The following GALNT13 variants were observed in gnomAD, a reference collection of about 807,000 sequenced individuals.
The protein encoded by GALNT13 is UDP-GalNAc:polypeptide N-acetylgalactosaminyltransferase 13.
A neutral mutation model predicts 64.2 loss-of-function variants in GALNT13; 28 were observed. The ratio of observed to expected loss-of-function variants is 0.44; its 90% CI spans 0.32 to 0.60. The LOEUF (loss-of-function observed/expected upper bound fraction) is 0.60. Among genes scored for constraint, GALNT13 ranks in the 20% least tolerant of loss-of-function variants. The pLI, the probability that GALNT13 is intolerant of heterozygous loss-of-function variation, is 0.05. For synonymous variants in GALNT13, 214 were observed against 224.6 expected, an observed-to-expected ratio of 0.95 and a Z score of 0.42; for missense variants, 577 against 669.8, an observed-to-expected ratio of 0.86 and a Z score of 1.53.
At chr2:153,874,149 C>T (rs1323291377) in intron 1 of GALNT13, among the ~76,000 whole-genome samples, 1 of 140,514 alleles carries the variant, frequency 7.1e-6, no homozygotes, top group Admixed American at 7.4e-5. Context: ...AGAATAAGAA[C>T]CTTCATATTG....
At position 154,301,654 on chromosome 2, in the gene GALNT13, T is replaced by G. The variant is rs1223333300; in HGVS notation, c.1156+65T>G. 17 of 1,013,866 alleles carry G rather than the reference T, an allele frequency of 1.7e-5. No individual in the cohort carries two copies. The East Asian group carries it at 3.8e-4, about 23-fold the overall frequency. The allele number at this position is 1,013,866 out of a possible 1,614,324, so 62.8% of individuals were successfully genotyped here. A position where few individuals can be genotyped will look rare whatever the true frequency, so the allele number is the denominator to read the frequency against. On this transcript the variant is annotated intron_variant, in intron 9 of 12. Transcript: ENST00000392825. ...ATAAAATTGAAACATACTGAATATG[T>G]GTTTCATTATTGCTGTTATTCTTCT...
chr2:154,446,956 C>T (rs1701612702), intron 12 of GALNT13, among the ~76,000 whole-genome samples: 1 of 149,838 alleles, frequency 6.7e-6, no homozygotes, highest in South Asian at 2.1e-4. Context: ...TGTGTTTAGT[C>T]TATCCTTAAT....
the GALNT13 span, among the ~76,000 whole-genome samples, chr2:153,394,258 G>A: frequency 6.6e-6 from 1 of 152,106 alleles, no homozygotes; most frequent in Non-Finnish European, 1.5e-5. Flanking sequence ...CCTCTATGAT[G>A]TGAAGATTGT....
At chr2:153,875,528 T>G (rs1391844917) in intron 1 of GALNT13, among the ~76,000 whole-genome samples, 1 of 152,206 alleles carries the variant, frequency 6.6e-6, no homozygotes, top group Non-Finnish European at 1.5e-5. Context: ...GTTGTTATCA[T>G]GCCAAGTTGA....
intron 4 of GALNT13, among the ~76,000 whole-genome samples, chr2:154,162,063 G>T (rs1412937101): frequency 6.6e-6 from 1 of 152,190 alleles, no homozygotes. Context: ...TTACAGGCTT[G>T]AGCCACCGTG....
At chr2:153,191,785 C>T in the GALNT13 span, among the ~76,000 whole-genome samples, 1 of 151,620 alleles carries the variant, frequency 6.6e-6, no homozygotes, top group African/African-American at 2.4e-5. Flanking sequence ...CTTATTCAAC[C>T]TTGGTAGGTT....
chr2:154,150,332 G>A (rs1486868244), intron 4 of GALNT13, among the ~76,000 whole-genome samples: 2 of 151,988 alleles, frequency 1.3e-5, no homozygotes, highest in Non-Finnish European at 2.9e-5. Context: ...CGGTTTGCCA[G>A]TATTTTATTG....
At chr2:153,725,006 C>T in the GALNT13 span, among the ~76,000 whole-genome samples, 58 of 151,384 alleles carry the variant, frequency 3.8e-4, no homozygotes, top group African/African-American at 1.0e-3. Flanking sequence ...CACATGCACA[C>T]GTATGTTTAT....
At chr2:153,826,218 G>A in the GALNT13 span, among the ~76,000 whole-genome samples, 1 of 152,128 alleles carries the variant, frequency 6.6e-6, no homozygotes, top group African/African-American at 2.4e-5. Context: ...CACATGATGA[G>A]GGGGCTGAAC....
At chr2:153,589,451 G>A in the GALNT13 span, among the ~76,000 whole-genome samples, 1 of 152,058 alleles carries the variant, frequency 6.6e-6, no homozygotes, top group Non-Finnish European at 1.5e-5. Flanking sequence ...TCCAACCTCT[G>A]CCCTTTACCC....
the GALNT13 span, among the ~76,000 whole-genome samples, chr2:153,847,808 T>C: frequency 1.3e-5 from 2 of 152,186 alleles, no homozygotes; most frequent in African/African-American, 4.8e-5. Flanking sequence ...TATTGAGAAA[T>C]GCTTCAGAAA....
At chr2:153,135,983 G>T in the GALNT13 span, among the ~76,000 whole-genome samples, 1 of 152,096 alleles carries the variant, frequency 6.6e-6, no homozygotes, top group Non-Finnish European at 1.5e-5. Context: ...GTATGATGCA[G>T]GAATGGTTGG....
chr2:153,834,730 T>C, the GALNT13 span, among the ~76,000 whole-genome samples: 1 of 152,078 alleles, frequency 6.6e-6, no homozygotes, highest in African/African-American at 2.4e-5. Flanking sequence ...GATTTTCTTT[T>C]TGGGGAACAT....
intron 9 of GALNT13, among the ~76,000 whole-genome samples, chr2:154,353,759 C>T (rs1696550662): frequency 6.6e-6 from 1 of 152,150 alleles, no homozygotes. Flanking sequence ...TTTATTCTTG[C>T]TGAATAATAT....
chr2:154,435,327 G>T (rs1259345463), intron 11 of GALNT13, among the ~76,000 whole-genome samples: 1 of 152,146 alleles, frequency 6.6e-6, no homozygotes, highest in Non-Finnish European at 1.5e-5. Context: ...GTGCTTCATT[G>T]GTGTGCAGGT....
intron 3 of GALNT13, among the ~76,000 whole-genome samples, chr2:154,001,433 A>G (rs902132105): frequency 2.0e-5 from 3 of 151,812 alleles, no homozygotes; most frequent in Admixed American, 2.0e-4. Flanking sequence ...TGCATCTATT[A>G]TAAGTTTTTG....
At chr2:153,410,331 A>G in the GALNT13 span, among the ~76,000 whole-genome samples, 4 of 152,146 alleles carry the variant, frequency 2.6e-5, no homozygotes, top group South Asian at 6.2e-4. Flanking sequence ...CCTGGGCTCA[A>G]GTGATCCTCC....
chr2:153,140,736 A>G, the GALNT13 span, among the ~76,000 whole-genome samples: 1 of 152,064 alleles, frequency 6.6e-6, no homozygotes, highest in Non-Finnish European at 1.5e-5. Flanking sequence ...AGGGAAGCTG[A>G]ATACCCAACT....
chr2:153,427,651 A>G, the GALNT13 span, among the ~76,000 whole-genome samples: 1 of 152,042 alleles, frequency 6.6e-6, no homozygotes, highest in Admixed American at 6.6e-5. Context: ...TTTTTAAAAG[A>G]CTCTATTTGA....
Sources: gnomAD v4.1 joint callset for allele counts (sites outside exome capture counted in the v4.1 genomes callset) on GRCh38, gnomAD v4.1.1 for gene constraint, MANE v1.5 for transcripts, NCBI Gene and HGNC (gene_info 2026-07-23, HGNC 2026-07-21) for gene names.